The following DOCK8 variants were observed in gnomAD, a reference collection of about 807,000 sequenced individuals.
DOCK8 encodes dedicator of cytokinesis protein 8.
DOCK8 carries 141 observed loss-of-function variants against 245.6 expected under a neutral mutation model. The observed-to-expected ratio is 0.57, with a 90% CI of 0.50 to 0.66. The LOEUF (loss-of-function observed/expected upper bound fraction) is 0.66. DOCK8 is among the 30% of genes least tolerant of loss of function. The probability of loss-of-function intolerance (pLI) is 0.00; values close to 1 mark genes in which losing one functional copy is unlikely to be tolerated. For synonymous variants in DOCK8, 1,168 were observed against 970.2 expected, an observed-to-expected ratio of 1.20 and a Z score of -3.79; for missense variants, 2,965 against 2,603.4, an observed-to-expected ratio of 1.14 and a Z score of -3.02.
intron 14 of DOCK8, among the ~76,000 whole-genome samples, chr9:356,911 AT>A (rs940558869): frequency 1.4e-4 from 21 of 150,104 alleles, no homozygotes; most frequent in South Asian, 6.4e-4. Context: ...CGGGGAGAGA[AT>A]TTTTTTTTTT....
intron 46 of DOCK8, chr9:452,920 T>C (rs972485240): frequency 6.6e-6 from 1 of 152,204 alleles, no homozygotes; most frequent in Non-Finnish European, 1.5e-5. Context: ...CCTAAAAATA[T>C]GAGTATGAAG....
intron 20 of DOCK8, among the ~76,000 whole-genome samples, chr9:377,968 A>G (rs1412019877): frequency 6.6e-6 from 1 of 152,128 alleles, no homozygotes; most frequent in African/African-American, 2.4e-5. Context: ...ATTTGCCACC[A>G]TTTTCAGCTG....
At chr9:285,241 C>G (rs996325407) in intron 2 of DOCK8, among the ~76,000 whole-genome samples, 32 of 152,168 alleles carry the variant, frequency 2.1e-4, no homozygotes, top group African/African-American at 7.0e-4. Flanking sequence ...CATCTCCATT[C>G]TCTGATCTTA....
intron 14 of DOCK8, among the ~76,000 whole-genome samples, chr9:360,525 GA>G (rs1477398577): frequency 6.6e-6 from 1 of 152,198 alleles, no homozygotes; most frequent in African/African-American, 2.4e-5. Context: ...AAAGTAGCAG[GA>G]AAAAATTTTT....
At chr9:400,081 ACCACC>A (rs1564012017) in intron 26 of DOCK8, among the ~76,000 whole-genome samples, 27 of 98,974 alleles carry the variant, frequency 2.7e-4, no homozygotes, top group African/African-American at 1.3e-3. Flanking sequence ...CACCATCACC[ACCACC>A]TCCACCATCA....
intron 5 of DOCK8, among the ~76,000 whole-genome samples, chr9:310,396 T>A (rs1273749911): frequency 6.6e-6 from 1 of 152,226 alleles, no homozygotes; most frequent in Non-Finnish European, 1.5e-5. Context: ...TAGTAACTTG[T>A]AGGGTCATTT....
At chr9:220,124 T>G (rs114735866) in intron 1 of DOCK8, among the ~76,000 whole-genome samples, 1,682 of 152,308 alleles carry the variant, frequency 0.011, 30 homozygotes, top group African/African-American at 0.038. Flanking sequence ...AATTGCTTTA[T>G]TTGTCTGATG....
At chr9:322,755 A>G (rs905584946) in intron 7 of DOCK8, among the ~76,000 whole-genome samples, 3 of 152,214 alleles carry the variant, frequency 2.0e-5, no homozygotes, top group African/African-American at 7.2e-5. Flanking sequence ...AATTAAATAT[A>G]GATTGAGCAT....
chr9:391,638 T>C (rs1674503098), intron 24 of DOCK8, among the ~76,000 whole-genome samples: 1 of 152,058 alleles, frequency 6.6e-6, no homozygotes, highest in African/African-American at 2.4e-5. Flanking sequence ...AAACATTTTC[T>C]CAATGTTGAT....
intron 29 of DOCK8, among the ~76,000 whole-genome samples, chr9:416,020 G>C (rs2055990574): frequency 2.0e-5 from 3 of 152,194 alleles, no homozygotes; most frequent in Admixed American, 1.3e-4. Context: ...TGAAAAGCAA[G>C]TATTCCTGTG....
chr9:312,494 A>G (rs764558367), intron 6 of DOCK8: 132 of 479,816 alleles, frequency 2.8e-4, no homozygotes, highest in South Asian at 1.2e-3. Context: ...AAACCATCCT[A>G]TTATTTGAGG....
intron 1 of DOCK8, among the ~76,000 whole-genome samples, chr9:262,500 G>A (rs2047941127): frequency 1.1e-5 from 1 of 94,822 alleles, no homozygotes; most frequent in African/African-American, 3.3e-5. Context: ...ATAATAAAAG[G>A]GAGTAAACTA....
At chr9:385,232 C>G (rs1339678636) in intron 22 of DOCK8, among the ~76,000 whole-genome samples, 1 of 152,164 alleles carries the variant, frequency 6.6e-6, no homozygotes, top group Admixed American at 6.5e-5. Flanking sequence ...TATCCTGGAA[C>G]AGAAATAGGA....
chr9:268,415 A>C (rs1354515164), intron 1 of DOCK8: 1 of 152,214 alleles, frequency 6.6e-6, no homozygotes, highest in African/African-American at 2.4e-5. Context: ...CCTGTTTAAG[A>C]AGGGCTAGAG....
At chr9:447,258 A>G (rs890913180) in intron 44 of DOCK8, among the ~76,000 whole-genome samples, 2 of 152,274 alleles carry the variant, frequency 1.3e-5, no homozygotes, top group Admixed American at 1.3e-4. Context: ...TCAAAATTCT[A>G]CACACCATAA....
At chr9:255,176 A>G (rs1044742503) in intron 1 of DOCK8, among the ~76,000 whole-genome samples, 5 of 152,220 alleles carry the variant, frequency 3.3e-5, no homozygotes, top group African/African-American at 1.2e-4. Flanking sequence ...GTTTTCATAT[A>G]TGTGCCCAAT....
chr9:388,114 A>C (rs192411637), intron 23 of DOCK8, among the ~76,000 whole-genome samples: 85 of 152,286 alleles, frequency 5.6e-4, no homozygotes, highest in African/African-American at 1.9e-3. Context: ...CTGGCAGACA[A>C]ACTGACCTAT....
chr9:271,791 G>A, intron 2 of DOCK8, 62 bp downstream of exon 2: 1 of 1,150,350 alleles, frequency 8.7e-7, no homozygotes, highest in Non-Finnish European at 1.3e-6. Context: ...CAGGGTATGT[G>A]TTTGCCTCCT....
intron 46 of DOCK8, among the ~76,000 whole-genome samples, chr9:461,163 G>C (rs1358494507): frequency 6.6e-6 from 1 of 152,200 alleles, no homozygotes; most frequent in Non-Finnish European, 1.5e-5. Context: ...AGATAACCAT[G>C]ATGAGTTCTA....
Sources: allele counts gnomAD v4.1 joint callset (sites outside exome capture counted in the v4.1 genomes callset), GRCh38; gene constraint gnomAD v4.1.1; transcripts MANE v1.5; gene names NCBI Gene and HGNC (gene_info 2026-07-23, HGNC 2026-07-21).